ADGRV1: variants seen among roughly 807,000 people sequenced by gnomAD.
ADGRV1 encodes adhesion G protein-coupled receptor V1.
In ADGRV1, 359 loss-of-function variants were observed where a neutral mutation model predicts 596.2. That is an observed-to-expected ratio of 0.60 (90% confidence interval 0.55 to 0.66). The LOEUF is 0.66. Among genes scored for constraint, ADGRV1 ranks in the 30% least tolerant of loss-of-function variants. The pLI is 0.00. For missense variants in ADGRV1, 7,274 were observed against 7,575.6 expected, an observed-to-expected ratio of 0.96 and a Z score of 1.48; for synonymous variants, 2,681 against 2,679.2, an observed-to-expected ratio of 1.00 and a Z score of -0.02.
chr5:91,141,384 T>C (rs865797640), intron 87 of ADGRV1, among the ~76,000 whole-genome samples: 2 of 152,212 alleles, frequency 1.3e-5, no homozygotes, highest in Middle Eastern at 3.2e-3. Flanking sequence ...TTAAAAAGCA[T>C]TTGAGCAATA....
chr5:90,672,445 G>T (rs997363911), intron 21 of ADGRV1, 101 bp from the exon 22 acceptor site: 3 of 908,706 alleles, frequency 3.3e-6, no homozygotes, highest in Non-Finnish European at 5.0e-6. Context: ...GTAGAAAGTT[G>T]TAGAATTAAG....
chr5:90,708,351 G>C (rs1326021514), intron 38 of ADGRV1, among the ~76,000 whole-genome samples: 1 of 151,634 alleles, frequency 6.6e-6, no homozygotes, highest in Non-Finnish European at 1.5e-5. Flanking sequence ...CCCCGTTATA[G>C]AGATAGTAGA....
At position 91,126,512 on chromosome 5, in the gene ADGRV1, T is replaced by C. The variant is rs570403950; in HGVS notation, c.18433-23518T>C. ...CAAATAATAGACTTAGTGAAGAGGG[T>C]AGAAGTAGAAATGAGGTCAGCCCCC... On this transcript the variant is annotated intron_variant, in intron 87 of 89. Coordinates refer to ENST00000405460, the MANE Select transcript of ADGRV1 (RefSeq NM_032119.4). Among the ~76,000 whole-genome samples, 5 of 152,158 alleles carry C rather than the reference T, an allele frequency of 3.3e-5. No individual in the cohort carries two copies. The East Asian group carries it at 9.7e-4, about 29-fold the overall frequency.
intron 11 of ADGRV1, 138 bp from the exon 12 acceptor site, chr5:90,642,497 TG>T (rs1767096587): frequency 2.5e-6 from 2 of 804,508 alleles, no homozygotes; most frequent in Non-Finnish European, 3.9e-6. Context: ...TCAACACACG[TG>T]AATTCACTTA....
At chr5:90,795,768 G>A (rs76251327) in intron 70 of ADGRV1, among the ~76,000 whole-genome samples, 6,224 of 152,262 alleles carry the variant, frequency 0.041, 209 homozygotes, top group African/African-American at 0.092. Context: ...CATCTGGCAG[G>A]TGCCCCGCTG....
chr5:90,578,141 A>C (rs879590070), intron 1 of ADGRV1, among the ~76,000 whole-genome samples: 1 of 152,226 alleles, frequency 6.6e-6, no homozygotes. Context: ...CAGAACTTCC[A>C]ACACTATGTT....
chr5:90,885,442 T>C (rs1581417906), intron 83 of ADGRV1, among the ~76,000 whole-genome samples: 1 of 152,194 alleles, frequency 6.6e-6, no homozygotes, highest in South Asian at 2.1e-4. Flanking sequence ...CATAATGATA[T>C]GGAAATATTC....
chr5:90,815,623 T>A lies in ADGRV1; in HGVS notation c.16083T>A (p.Ser5361Arg). 6.5e-7 allele frequency: 1 copy of A among 1,534,678 alleles called. No homozygotes were observed. The highest frequency in any genetic ancestry group is 8.9e-7 in the Non-Finnish European group (1 of 1,125,848). Residue 5361 changes from serine (S) to arginine (R), a missense_variant, in exon 75 of 90, where the codon AGT (serine) becomes AGA (arginine). Physicochemically the swap from Ser to Arg is moderately radical, Grantham distance 110 (BLOSUM62 -1). This residue lies in a region of ADGRV1 where 1,874 missense variants were observed against 1,970.2 expected (regional missense o/e 0.95). Coordinates refer to ENST00000405460, the MANE Select transcript of ADGRV1 (RefSeq NM_032119.4). Reference sequence around the variant, plus strand: ...GCCCTCCATTCTTTTTTTCAGGGAGTGACCTTCACAATGGCATCATAGGAT... The same window carrying A: ...GCCCTCCATTCTTTTTTTCAGGGAGAGACCTTCACAATGGCATCATAGGAT... The part of the protein sequence containing the change: ...AAFAMVIITG[S>R]DLHNGIIGFS...
At chr5:90,882,697 C>T (rs1489494247) in intron 83 of ADGRV1, among the ~76,000 whole-genome samples, 1 of 151,998 alleles carries the variant, frequency 6.6e-6, no homozygotes, top group African/African-American at 2.4e-5. Context: ...AAATAAATAC[C>T]TTTTCTTTTT....
chr5:91,148,060 TGA>T (rs1349323226), intron 87 of ADGRV1, among the ~76,000 whole-genome samples: 1 of 152,132 alleles, frequency 6.6e-6, no homozygotes, highest in Non-Finnish European at 1.5e-5. Flanking sequence ...CTTTTGAACT[TGA>T]GAGAGATAAT....
chr5:91,020,005 A>G (rs776111063), intron 85 of ADGRV1, among the ~76,000 whole-genome samples: 39 of 152,038 alleles, frequency 2.6e-4, no homozygotes, highest in Admixed American at 5.9e-4. Flanking sequence ...TCAAAGCCTT[A>G]GTGATTAAAG....
intron 82 of ADGRV1, among the ~76,000 whole-genome samples, chr5:90,861,459 G>A (rs554707697): frequency 1.3e-5 from 2 of 152,042 alleles, no homozygotes; most frequent in South Asian, 2.1e-4. Context: ...ACAGGTGCGT[G>A]CCACCATGCC....
At chr5:91,031,826 T>C (rs1444365711) in intron 85 of ADGRV1, among the ~76,000 whole-genome samples, 1 of 152,208 alleles carries the variant, frequency 6.6e-6, no homozygotes, top group Non-Finnish European at 1.5e-5. Context: ...TACCAGACTG[T>C]TCTAACTAAT....
chr5:90,706,336 G>C lies in ADGRV1; in HGVS notation c.8672G>C (p.Gly2891Ala). ...GAAGTTGATTTTGTCCCTATCATTG[G>C]CTTTCTGATTTTAGAAGAAGGGGAA... ...EPEVDFVPII[G>A]FLILEEGETA... The change falls in exon 38 of 90, where the codon GGC becomes GCC. Residue 2891 changes from glycine to alanine, a missense_variant. Physicochemically the swap from Gly to Ala is moderately conservative, Grantham distance 60. Around this residue, in one of 5 missense-constraint regions of ADGRV1, gnomAD observed 3,643 missense variants for 3,809.2 expected, o/e 0.96. Transcript: ENST00000405460. 1.2e-6 allele frequency: 2 copies of C among 1,612,876 alleles called. No homozygotes were observed. The highest frequency in any genetic ancestry group is 1.7e-6 in the Non-Finnish European group (2 of 1,179,374).
chr5:90,892,617 A>C (rs1770930185), intron 83 of ADGRV1, among the ~76,000 whole-genome samples: 1 of 152,296 alleles, frequency 6.6e-6, no homozygotes, highest in Admixed American at 6.5e-5. Flanking sequence ...CAAGGTAATG[A>C]GGATACCCCA....
Position 90,565,788 on chromosome 5 carries a change from A to G in ADGRV1, c.22+6871A>G, listed in dbSNP as rs1281523586. 2.6e-5 allele frequency among the ~76,000 whole-genome samples: 4 copies of G among 152,074 alleles called. No homozygotes were observed. The East Asian group carries it at 7.7e-4, about 29-fold the overall frequency. On this transcript the variant is annotated intron_variant, in intron 1 of 89. Coordinates refer to ENST00000405460, the MANE Select transcript of ADGRV1 (RefSeq NM_032119.4). Reference sequence around the variant, plus strand: ...AGCTGTTTTCTAAAGTGTGTTTACCATTGTATATGCCCACCAGCAATGTAT... The same window carrying G: ...AGCTGTTTTCTAAAGTGTGTTTACCGTTGTATATGCCCACCAGCAATGTAT...
At chr5:90,614,637 G>A in intron 1 of ADGRV1, 198 bp from the exon 2 acceptor site, 1 of 628,868 alleles carries the variant, frequency 1.6e-6, no homozygotes, top group Non-Finnish European at 2.9e-6. Flanking sequence ...AGTAGAAAGA[G>A]AACCGTAAGA....
At chr5:91,074,105 T>C (rs1788632727) in intron 86 of ADGRV1, among the ~76,000 whole-genome samples, 1 of 152,256 alleles carries the variant, frequency 6.6e-6, no homozygotes, top group African/African-American at 2.4e-5. Flanking sequence ...CTAGAAGCTA[T>C]GCTTGTTTTT....
chr5:90,581,188 A>T (rs994580698), intron 1 of ADGRV1, among the ~76,000 whole-genome samples: 3 of 152,130 alleles, frequency 2.0e-5, no homozygotes, highest in African/African-American at 7.2e-5. Context: ...CTTCCTTGCG[A>T]TAGGTTAGAA....
Sources: gnomAD v4.1 joint callset for allele counts (sites outside exome capture counted in the v4.1 genomes callset) on GRCh38, gnomAD v4.1.1 for gene constraint, gnomAD v4.1.1 regional missense constraint, MANE v1.5 for transcripts, NCBI Gene and HGNC (gene_info 2026-07-23, HGNC 2026-07-21) for gene names.